The following FBXL17 variants were observed in gnomAD, a reference collection of about 807,000 sequenced individuals.
FBXL17 encodes F-box/LRR-repeat protein 17.
Under a neutral mutation model 66.2 loss-of-function variants are expected in FBXL17, and 22 were observed. That is an observed-to-expected ratio of 0.33 (90% CI 0.24 to 0.47). The LOEUF is 0.47. Among genes scored for constraint, FBXL17 ranks in the 20% least tolerant of loss-of-function variants. The probability of loss-of-function intolerance (pLI) is 1.00; values close to 1 mark genes in which losing one functional copy is unlikely to be tolerated. For synonymous variants in FBXL17, 474 were observed against 400.5 expected (o/e 1.18, Z -2.19); for missense variants, 878 against 948.2 (o/e 0.93, Z 0.97).
chr5:108,283,175 A>G (rs1757766920), intron 4 of FBXL17, among the ~76,000 whole-genome samples: 1 of 151,946 alleles, frequency 6.6e-6, no homozygotes. Context: ...TGGAACCAAA[A>G]AAGAACTCAA....
intron 7 of FBXL17, among the ~76,000 whole-genome samples, chr5:107,973,958 A>T (rs1364022185): frequency 6.6e-6 from 1 of 152,158 alleles, no homozygotes; most frequent in African/African-American, 2.4e-5. Context: ...TACTAAATTG[A>T]TAACAATTCC....
chr5:108,133,229 CTCTT>C (rs1751004591), intron 6 of FBXL17, among the ~76,000 whole-genome samples: 1 of 152,086 alleles, frequency 6.6e-6, no homozygotes, highest in Non-Finnish European at 1.5e-5. Context: ...AAACCACCTC[CTCTT>C]TATCTTTTTC....
chr5:107,953,675 T>C (rs890917596), intron 7 of FBXL17, among the ~76,000 whole-genome samples: 1 of 152,194 alleles, frequency 6.6e-6, no homozygotes, highest in African/African-American at 2.4e-5. Context: ...GACATCTTTC[T>C]TCACTAATGA....
At chr5:108,005,048 C>T (rs890689110) in intron 7 of FBXL17, among the ~76,000 whole-genome samples, 7 of 151,320 alleles carry the variant, frequency 4.6e-5, no homozygotes, top group African/African-American at 1.7e-4. Flanking sequence ...CCCAGTGTTC[C>T]CAATAGTAGC....
At chr5:108,040,236 A>G (rs1173529181) in intron 6 of FBXL17, among the ~76,000 whole-genome samples, 1 of 152,150 alleles carries the variant, frequency 6.6e-6, no homozygotes, top group African/African-American at 2.4e-5. Flanking sequence ...CTTACTTGTG[A>G]AAAAGAGACT....
chr5:107,869,267 G>A (rs943336390), intron 8 of FBXL17, among the ~76,000 whole-genome samples: 9 of 152,304 alleles, frequency 5.9e-5, no homozygotes, highest in Middle Eastern at 3.4e-3. Context: ...GCTTCTCTCC[G>A]CGTTTCTTGG....
intron 4 of FBXL17, among the ~76,000 whole-genome samples, chr5:108,268,127 G>T (rs947849333): frequency 6.6e-6 from 1 of 151,966 alleles, no homozygotes; most frequent in Non-Finnish European, 1.5e-5. Flanking sequence ...CAGCTGATGG[G>T]GAGAAACTGG....
intron 4 of FBXL17, among the ~76,000 whole-genome samples, chr5:108,293,098 C>A (rs2941700): frequency 0.063 from 5,615 of 88,764 alleles, 179 homozygotes; most frequent in African/African-American, 0.15. Context: ...AAAAAAAAAA[C>A]AAAAAAAAAA....
intron 7 of FBXL17, among the ~76,000 whole-genome samples, chr5:107,897,782 T>C (rs1007573823): frequency 6.6e-6 from 1 of 151,632 alleles, no homozygotes; most frequent in Non-Finnish European, 1.5e-5. Context: ...ATGCCATTCT[T>C]ATTATTAAAA....
intron 6 of FBXL17, among the ~76,000 whole-genome samples, chr5:108,130,262 A>G (rs987582337): frequency 2.0e-5 from 3 of 151,940 alleles, no homozygotes; most frequent in Non-Finnish European, 2.9e-5. Context: ...TATCCCTTTC[A>G]TATGCACATG....
At chr5:108,342,381 T>C (rs1746943762) in intron 4 of FBXL17, among the ~76,000 whole-genome samples, 1 of 152,166 alleles carries the variant, frequency 6.6e-6, no homozygotes, top group African/African-American at 2.4e-5. Context: ...TCAGGAATTT[T>C]CCTAGAAAAA....
intron 6 of FBXL17, among the ~76,000 whole-genome samples, chr5:108,080,430 G>A (rs6896483): frequency 0.011 from 1,687 of 152,280 alleles, 15 homozygotes; most frequent in Non-Finnish European, 0.016. Flanking sequence ...TAGTAGAGGC[G>A]AGATCTGTAA....
In FBXL17 at chr5:108,381,812, A is replaced by G. The variant is rs1246005231; in HGVS notation, c.-121T>C. ...CCCGGAGGGGTCGCCCTTCCTGCGC[A>G]CACACACGCACACACGGGCACACAC... On this transcript the variant is annotated 5_prime_UTR_variant, in exon 1 of 9. Coordinates refer to ENST00000542267, the MANE Select transcript of FBXL17 (RefSeq NM_001163315.3). The G allele has an allele frequency of 4.3e-5, 57 of 1,335,244 alleles. No homozygotes were observed. Among genetic ancestry groups the G allele is most frequent in the East Asian group, 1.9e-4 (6 of 31,940 alleles). 82.7% of individuals were successfully genotyped at this position (1,335,244 alleles called of 1,614,324 possible). A position where few individuals can be genotyped will look rare whatever the true frequency, so the allele number is the denominator to read the frequency against.
intron 6 of FBXL17, among the ~76,000 whole-genome samples, chr5:108,083,875 T>C (rs1460964835): frequency 6.6e-6 from 1 of 152,170 alleles, no homozygotes; most frequent in African/African-American, 2.4e-5. Context: ...ATCCTTACTA[T>C]GTCTCCACAG....
At chr5:108,147,321 C>A (rs1368258586) in intron 6 of FBXL17, among the ~76,000 whole-genome samples, 1 of 152,184 alleles carries the variant, frequency 6.6e-6, no homozygotes, top group East Asian at 1.9e-4. Flanking sequence ...CCCACTCTTA[C>A]AGTCAATGGA....
intron 7 of FBXL17, among the ~76,000 whole-genome samples, chr5:107,902,926 A>G (rs988020021): frequency 7.9e-5 from 12 of 152,156 alleles, no homozygotes; most frequent in Admixed American, 7.9e-4. Flanking sequence ...TATAATAAAA[A>G]TCATCATTCA....
intron 6 of FBXL17, among the ~76,000 whole-genome samples, chr5:108,181,532 T>C (rs1215748502): frequency 1.3e-5 from 2 of 152,246 alleles, no homozygotes; most frequent in South Asian, 2.1e-4. Flanking sequence ...CCATAAAGTA[T>C]AACAGTAAAG....
intron 7 of FBXL17, among the ~76,000 whole-genome samples, chr5:107,970,911 C>A (rs1298460065): frequency 6.6e-6 from 1 of 152,000 alleles, no homozygotes; most frequent in Non-Finnish European, 1.5e-5. Flanking sequence ...CTTATGTGAG[C>A]GTCAGTTAAG....
intron 4 of FBXL17, among the ~76,000 whole-genome samples, chr5:108,245,377 G>T (rs1756047278): frequency 1.3e-5 from 2 of 151,486 alleles, no homozygotes; most frequent in Non-Finnish European, 2.9e-5. Flanking sequence ...ATAATTACTT[G>T]TTAAAAAAAA....
Sources: allele counts gnomAD v4.1 joint callset (sites outside exome capture counted in the v4.1 genomes callset), GRCh38; gene constraint gnomAD v4.1.1; transcripts MANE v1.5; gene names NCBI Gene and HGNC (gene_info 2026-07-23, HGNC 2026-07-21).